ZBTB7C: variants seen among roughly 807,000 people sequenced by gnomAD.
The protein encoded by ZBTB7C is zinc finger and BTB domain-containing protein 7C.
Under a neutral mutation model 25.7 loss-of-function variants are expected in ZBTB7C, and 8 were observed. The observed-to-expected ratio is 0.31, with a 90% CI of 0.18 to 0.56. The LOEUF (loss-of-function observed/expected upper bound fraction) is 0.56. Ranked by LOEUF, ZBTB7C falls within the 20% of genes least tolerant of loss-of-function variation. The pLI is 0.91. For synonymous variants in ZBTB7C, 394 were observed against 369.0 expected (o/e 1.07, Z -0.78); for missense variants, 824 against 855.2 (o/e 0.96, Z 0.46).
In ZBTB7C at chr18:48,035,179, G is replaced by T. The variant is rs532800527; in HGVS notation, c.1208+4721C>A. Among the ~76,000 whole-genome samples the T allele has an allele frequency of 2.0e-5, 3 of 152,382 alleles. No homozygotes were observed. The East Asian group carries it at 5.8e-4, about 29-fold the overall frequency. On this transcript the variant is annotated intron_variant, in intron 4 of 4. Coordinates refer to ENST00000590800, the MANE Select transcript of ZBTB7C (RefSeq NM_001318841.2). ...TGGTCAGCATTCGGCTGGCACTGGA[G>T]GAGGCAGGTGGAGACTAAAAGGCAC...
intron 3 of ZBTB7C, among the ~76,000 whole-genome samples, chr18:48,127,370 G>A (rs895219673): frequency 5.3e-5 from 8 of 152,204 alleles, no homozygotes; most frequent in Non-Finnish European, 1.2e-4. Flanking sequence ...TGTCTCTCTT[G>A]TACCACTCAG....
intron 3 of ZBTB7C, chr18:48,185,536 C>A: frequency 3.7e-6 from 1 of 272,868 alleles, no homozygotes; most frequent in Non-Finnish European, 7.2e-6. Flanking sequence ...GTTAAATGGC[C>A]TCTATGAGAA....
At chr18:48,287,580 TAA>T (rs1345859591) in intron 2 of ZBTB7C, among the ~76,000 whole-genome samples, 1 of 152,156 alleles carries the variant, frequency 6.6e-6, no homozygotes, top group African/African-American at 2.4e-5. Context: ...GTAAGGTGAA[TAA>T]AGACTTCAAG....
intron 1 of ZBTB7C, among the ~76,000 whole-genome samples, chr18:48,363,584 A>G (rs2047159627): frequency 6.6e-6 from 1 of 152,210 alleles, no homozygotes; most frequent in African/African-American, 2.4e-5. Flanking sequence ...AAGCCCAGGA[A>G]AGAGATAAAA....
intron 4 of ZBTB7C, among the ~76,000 whole-genome samples, chr18:48,033,526 G>C (rs1330844807): frequency 6.6e-6 from 1 of 152,204 alleles, no homozygotes; most frequent in Admixed American, 6.5e-5. Flanking sequence ...TTCCCTAATG[G>C]AGACATTTGT....
At chr18:48,258,163 A>T (rs1292466600) in intron 2 of ZBTB7C, among the ~76,000 whole-genome samples, 1 of 152,234 alleles carries the variant, frequency 6.6e-6, no homozygotes, top group African/African-American at 2.4e-5. Flanking sequence ...TTCTTCTAAG[A>T]TCAGAAAAAA....
At chr18:48,305,602 A>G (rs1168916614) in intron 2 of ZBTB7C, among the ~76,000 whole-genome samples, 1 of 152,204 alleles carries the variant, frequency 6.6e-6, no homozygotes, top group Non-Finnish European at 1.5e-5. Flanking sequence ...TAACATGGGA[A>G]GATGTTAGGT....
At chr18:48,402,689 G>A (rs988517891) in intron 1 of ZBTB7C, among the ~76,000 whole-genome samples, 6 of 152,132 alleles carry the variant, frequency 3.9e-5, no homozygotes, top group African/African-American at 1.2e-4. Flanking sequence ...GATTTTAACA[G>A]TTTTGGAAAA....
chr18:48,069,029 G>A (rs758843394), intron 3 of ZBTB7C, among the ~76,000 whole-genome samples: 41 of 152,228 alleles, frequency 2.7e-4, no homozygotes, highest in Admixed American at 2.6e-4. Flanking sequence ...CTAAGGGCAC[G>A]TGGCACCTGC....
At chr18:48,310,181 G>A (rs1343076052) in intron 2 of ZBTB7C, among the ~76,000 whole-genome samples, 1 of 150,812 alleles carries the variant, frequency 6.6e-6, no homozygotes, top group African/African-American at 2.4e-5. Context: ...AGTGAGCCGA[G>A]ATCACGCCAC....
intron 3 of ZBTB7C, among the ~76,000 whole-genome samples, chr18:48,042,774 T>C (rs1406842434): frequency 2.0e-5 from 3 of 152,212 alleles, no homozygotes; most frequent in Admixed American, 2.0e-4. Flanking sequence ...CCAGAGACCC[T>C]GGCAGTCCAT....
At chr18:48,288,633 G>T (rs2045129073) in intron 2 of ZBTB7C, among the ~76,000 whole-genome samples, 1 of 152,142 alleles carries the variant, frequency 6.6e-6, no homozygotes, top group Non-Finnish European at 1.5e-5. Flanking sequence ...TCCAGCCTAG[G>T]CAACAAGAGT....
intron 3 of ZBTB7C, among the ~76,000 whole-genome samples, chr18:48,165,881 G>A (rs1176768014): frequency 6.6e-6 from 1 of 152,174 alleles, no homozygotes. Context: ...GGAGAGGCCT[G>A]CATGCCGAGC....
chr18:48,288,399 C>T (rs1343475380), intron 2 of ZBTB7C, among the ~76,000 whole-genome samples: 2 of 152,050 alleles, frequency 1.3e-5, no homozygotes, highest in East Asian at 1.9e-4. Context: ...CTGTAATCCC[C>T]CACTTTGGGA....
chr18:48,255,588 A>T (rs1029488769), intron 2 of ZBTB7C, among the ~76,000 whole-genome samples: 1 of 152,244 alleles, frequency 6.6e-6, no homozygotes, highest in Non-Finnish European at 1.5e-5. Context: ...AGTTTTAGCC[A>T]GCATGATAAG....
At chr18:48,300,989 C>A (rs1041664987) in intron 2 of ZBTB7C, among the ~76,000 whole-genome samples, 3 of 152,208 alleles carry the variant, frequency 2.0e-5, no homozygotes, top group African/African-American at 7.2e-5. Flanking sequence ...TTTGACCATC[C>A]ACTGAAAATG....
intron 3 of ZBTB7C, chr18:48,137,405 T>G: frequency 1.1e-6 from 1 of 894,526 alleles, no homozygotes; most frequent in Non-Finnish European, 1.3e-6. Context: ...CGTTTTGTTT[T>G]TTGTGGGTTT....
At chr18:48,410,337 G>T (rs567888858), upstream of ZBTB7C, among the ~76,000 whole-genome samples, 1 of 152,152 alleles carries the variant, frequency 6.6e-6, no homozygotes, top group Non-Finnish European at 1.5e-5. Flanking sequence ...CCCACACGCC[G>T]GGGAGCAGCC....
intron 1 of ZBTB7C, among the ~76,000 whole-genome samples, chr18:48,397,629 T>C (rs1343455895): frequency 2.6e-5 from 4 of 152,172 alleles, no homozygotes; most frequent in Non-Finnish European, 5.9e-5. Flanking sequence ...CTCAGCAATG[T>C]CATTTCTCAT....
Sources: allele counts gnomAD v4.1 joint callset (sites outside exome capture counted in the v4.1 genomes callset), GRCh38; gene constraint gnomAD v4.1.1; transcripts MANE v1.5; gene names NCBI Gene and HGNC (gene_info 2026-07-23, HGNC 2026-07-21).